CLEC12A: variants seen among roughly 807,000 people sequenced by gnomAD.
The protein encoded by CLEC12A is C-type lectin protein CLL-1.
In CLEC12A, 22 loss-of-function variants were observed where a neutral mutation model predicts 26.5. The ratio of observed to expected loss-of-function variants is 0.83; its 90% CI spans 0.59 to 1.19. The LOEUF (loss-of-function observed/expected upper bound fraction) is 1.19. Ranked by LOEUF, CLEC12A falls within the 50% of genes most tolerant of loss-of-function variation. CLEC12A has a pLI of 0.00. For synonymous variants in CLEC12A, 119 were observed against 101.9 expected, an observed-to-expected ratio of 1.17 and a Z score of -1.01; for missense variants, 353 against 315.6, an observed-to-expected ratio of 1.12 and a Z score of -0.90.
chr12:9,964,118 G>A (rs1483505918), intron 1 of CLEC12A, among the ~76,000 whole-genome samples: 2 of 152,194 alleles, frequency 1.3e-5, no homozygotes, highest in African/African-American at 4.8e-5. Context: ...TAAATACGGG[G>A]GGAGTAGAGT....
chr12:9,964,707 T>C (rs1328280930), intron 1 of CLEC12A, among the ~76,000 whole-genome samples: 1 of 152,158 alleles, frequency 6.6e-6, no homozygotes, highest in African/African-American at 2.4e-5. Context: ...TGAGGATAGA[T>C]TTCCACGATG....
chr12:10,005,107 G>A, the CLEC12A span, among the ~76,000 whole-genome samples: 385 of 152,104 alleles, frequency 2.5e-3, 1 homozygote, highest in African/African-American at 9.0e-3. Context: ...TCATGGCAGG[G>A]ACTATTAATT....
At chr12:9,998,899 C>T (rs904738890), downstream of CLEC12A, 1 of 555,344 alleles carries the variant, frequency 1.8e-6, no homozygotes, top group African/African-American at 1.9e-5. Context: ...GAAAACACTA[C>T]TCAAATGCTT....
At position 9,985,185 on chromosome 12, in the gene CLEC12A, G is replaced by C. The variant is rs1318624101; in HGVS notation, c.*159G>C. On this transcript the variant is annotated 3_prime_UTR_variant, in exon 6 of 6. Transcript: ENST00000304361. ...CAGGTAGCAAGCTTCAGAGAGAATAGACTGTGAATGTTAATGCCAGAGAGG... is the reference window on the plus strand; with the variant it reads ...CAGGTAGCAAGCTTCAGAGAGAATACACTGTGAATGTTAATGCCAGAGAGG... 9.6e-6 allele frequency: 7 copies of C among 731,712 alleles called. No individual in the cohort carries two copies. Among genetic ancestry groups the C allele is most frequent in the Non-Finnish European group, 1.4e-5 (7 of 514,058 alleles). 45.3% of individuals were successfully genotyped at this position (731,712 alleles called of 1,614,324 possible).
At chr12:9,966,260 C>A (rs1591816484) in intron 1 of CLEC12A, among the ~76,000 whole-genome samples, 2 of 152,292 alleles carry the variant, frequency 1.3e-5, no homozygotes, top group Admixed American at 1.3e-4. Context: ...GCTTACCCTC[C>A]ACTGTGAGAG....
chr12:9,975,156 G>C (rs116664705), intron 1 of CLEC12A, among the ~76,000 whole-genome samples: 1 of 152,048 alleles, frequency 6.6e-6, no homozygotes, highest in African/African-American at 2.4e-5. Context: ...TTTATCAGTC[G>C]TGTGAAAATG....
At chr12:9,995,561 A>G in exon 5 of CLEC12A, 1 of 359,370 alleles carries the variant, frequency 2.8e-6, no homozygotes, top group Middle Eastern at 9.9e-4. Flanking sequence ...TATGATTCAA[A>G]GGAATAAATG....
At chr12:9,964,915 G>T (rs932043002) in intron 1 of CLEC12A, among the ~76,000 whole-genome samples, 1 of 152,176 alleles carries the variant, frequency 6.6e-6, no homozygotes, top group African/African-American at 2.4e-5. Flanking sequence ...AGTCATAGGG[G>T]TCAGGTGTGG....
intron 5 of CLEC12A, among the ~76,000 whole-genome samples, chr12:9,982,747 TAC>T (rs1290912682): frequency 2.0e-5 from 3 of 152,152 alleles, no homozygotes; most frequent in Non-Finnish European, 4.4e-5. Flanking sequence ...CTGGATAGTG[TAC>T]ACTGTACCCA....
chr12:9,968,276 G>T (rs547457006), upstream of CLEC12A, among the ~76,000 whole-genome samples: 3 of 152,272 alleles, frequency 2.0e-5, no homozygotes, highest in Admixed American at 6.5e-5. Context: ...AATTTCACTC[G>T]CATCCGTGTG....
At chr12:9,967,651 C>T (rs988149489), upstream of CLEC12A, among the ~76,000 whole-genome samples, 4 of 151,364 alleles carry the variant, frequency 2.6e-5, no homozygotes, top group East Asian at 1.9e-4. Flanking sequence ...CGGTACTTGC[C>T]GCTAAGGGTG....
intron 1 of CLEC12A, chr12:9,953,132 G>A (rs1250653324): frequency 1.8e-5 from 2 of 108,182 alleles, no homozygotes; most frequent in African/African-American, 3.4e-5. Context: ...CGGGAGGGAG[G>A]TGGGGGGTCA....
chr12:9,980,559 A>G (rs1385555777), intron 3 of CLEC12A, 23 bp from the exon 4 acceptor site: 4 of 1,606,382 alleles, frequency 2.5e-6, no homozygotes, highest in Middle Eastern at 1.7e-4. Flanking sequence ...CAAAACCCAA[A>G]TAAAACTATG....
intron 1 of CLEC12A, 56 bp downstream of exon 1, chr12:9,971,743 AC>A (rs1367927768): frequency 2.0e-4 from 286 of 1,437,580 alleles, no homozygotes; most frequent in Non-Finnish European, 2.5e-4. Context: ...GTGGTTATAG[AC>A]TTGCATCTTC....
downstream of CLEC12A, chr12:9,986,027 C>T (rs943915612): frequency 4.4e-5 from 15 of 337,740 alleles, no homozygotes; most frequent in African/African-American, 3.2e-4. Flanking sequence ...GTAGCTGGGC[C>T]TAGAGGGAAG....
At chr12:9,960,178 C>T (rs896374666) in intron 1 of CLEC12A, among the ~76,000 whole-genome samples, 2 of 152,200 alleles carry the variant, frequency 1.3e-5, no homozygotes, top group Non-Finnish European at 2.9e-5. Context: ...TGTGGGATCC[C>T]TCCAGGGGAA....
downstream of CLEC12A, among the ~76,000 whole-genome samples, chr12:9,987,164 G>A (rs1864784675): frequency 6.6e-6 from 1 of 152,174 alleles, no homozygotes; most frequent in African/African-American, 2.4e-5. Flanking sequence ...CCATTTACAA[G>A]CCAACAGCTC....
Position 9,985,483 on chromosome 12 carries a change from C to T in CLEC12A, c.*457C>T, listed in dbSNP as rs77007903. The T allele has an allele frequency of 1.6e-3, 622 of 398,780 alleles. 4 individuals carry two copies. The highest frequency in any genetic ancestry group is 0.012 in the African/African-American group (582 of 48,738). 24.7% of individuals were successfully genotyped at this position (398,780 alleles called of 1,614,324 possible). A position where few individuals can be genotyped will look rare whatever the true frequency, so the allele number is the denominator to read the frequency against. On this transcript the variant is annotated 3_prime_UTR_variant, in exon 6 of 6. Transcript: ENST00000304361. ...GCTGAAGGCCTTATGAGTCAAAGGA[C>T]TTATAGCCAATTGATTGTTCTAGGC...
chr12:9,994,524 T>C (rs371076697), intron 4 of CLEC12A, among the ~76,000 whole-genome samples: 1 of 152,114 alleles, frequency 6.6e-6, no homozygotes, highest in East Asian at 1.9e-4. Flanking sequence ...ACAAAAGATG[T>C]TGAGACTGCA....
Sources: gnomAD v4.1 joint callset for allele counts (sites outside exome capture counted in the v4.1 genomes callset) on GRCh38, gnomAD v4.1.1 for gene constraint, MANE v1.5 for transcripts, NCBI Gene and HGNC (gene_info 2026-07-23, HGNC 2026-07-21) for gene names.